Variants in WWC1 observed in about 807,000 individuals in gnomAD.
WWC1 encodes the protein protein KIBRA.
Under a neutral mutation model 138.4 loss-of-function variants are expected in WWC1, and 55 were observed. The observed-to-expected ratio is 0.40, with a 90% CI of 0.32 to 0.50. WWC1 has a LOEUF of 0.50. Ranked by LOEUF, WWC1 falls within the 20% of genes least tolerant of loss-of-function variation. The probability of loss-of-function intolerance (pLI) is 0.72; values close to 1 mark genes in which losing one functional copy is unlikely to be tolerated. For missense variants in WWC1, 1,226 were observed against 1,420.4 expected (o/e 0.86, Z 2.20); for synonymous variants, 524 against 564.9 (o/e 0.93, Z 1.03).
intron 1 of WWC1, among the ~76,000 whole-genome samples, chr5:168,361,012 C>T (rs1775840405): frequency 1.3e-5 from 2 of 152,202 alleles, no homozygotes; most frequent in Non-Finnish European, 2.9e-5. Flanking sequence ...CCCCAGAGTC[C>T]TAAATACAGA....
intron 1 of WWC1, among the ~76,000 whole-genome samples, chr5:168,318,491 G>T (rs763639641): frequency 2.0e-5 from 3 of 151,504 alleles, no homozygotes; most frequent in Non-Finnish European, 2.9e-5. Flanking sequence ...CTGTCTCTAT[G>T]AATTTGACTT....
intron 20 of WWC1, among the ~76,000 whole-genome samples, 169 bp downstream of exon 20, chr5:168,460,911 C>T (rs981721019): frequency 6.6e-6 from 1 of 152,174 alleles, no homozygotes; most frequent in Admixed American, 6.5e-5. Context: ...AACTATGAGG[C>T]CTGTGTAGCC....
At chr5:168,459,254 C>CAAAAAAAA (rs34453947) in intron 19 of WWC1, among the ~76,000 whole-genome samples, 3 of 94,806 alleles carry the variant, frequency 3.2e-5, no homozygotes, top group African/African-American at 8.5e-5. Context: ...AACCCTGTCT[C>CAAAAAAAA]AAAAAAAAAA....
In WWC1 at chr5:168,420,388, G is replaced by A. The variant is rs527916418; in HGVS notation, c.1185-1620G>A. Among the ~76,000 whole-genome samples the A allele has an allele frequency of 3.5e-3, 537 of 152,076 alleles. 3 individuals carry two copies. Among genetic ancestry groups the A allele is most frequent in the African/African-American group, 0.012 (510 of 41,448 alleles). On this transcript the variant is annotated intron_variant, in intron 9 of 22. Transcript: ENST00000265293. ...CTCTTAGAAGGACACCAGTCATACTGGATTAGAGTCTGCCCTACTGACCTC... is the reference window on the plus strand; with the variant it reads ...CTCTTAGAAGGACACCAGTCATACTAGATTAGAGTCTGCCCTACTGACCTC...
intron 2 of WWC1, among the ~76,000 whole-genome samples, chr5:168,372,515 T>C (rs1353527038): frequency 6.6e-6 from 1 of 152,216 alleles, no homozygotes. Context: ...AGCCTCTGTT[T>C]ACTGAGCACA....
Position 168,431,238 on chromosome 5 carries a change from C to T in WWC1, c.2088-14C>T. ...GGCTGACCCAAGATTTCCTGCGGTT[C>T]TGTCTCCCTCTAGGAATATCCGCGT... is the stretch of plus-strand genomic sequence containing the variant. On this transcript the variant is annotated splice_polypyrimidine_tract_variant and intron_variant, in intron 14 of 22. Transcript: ENST00000265293. The T allele has an allele frequency of 6.2e-7, 1 of 1,600,170 alleles. No homozygotes were observed. Among genetic ancestry groups the T allele is most frequent in the Non-Finnish European group, 8.5e-7 (1 of 1,172,518 alleles).
intron 17 of WWC1, among the ~76,000 whole-genome samples, chr5:168,449,570 C>CTTTTTTTTTTTTTTTTTTTTTTTTT (rs10636051): frequency 1.1e-5 from 1 of 90,736 alleles, no homozygotes; most frequent in African/African-American, 4.5e-5. Context: ...TTTAACAGCT[C>CTTTTTTTTTTTTTTTTTTTTTTTTT]TTTTTTTTTT....
At chr5:168,329,761 A>G (rs1337709902) in intron 1 of WWC1, among the ~76,000 whole-genome samples, 1 of 152,170 alleles carries the variant, frequency 6.6e-6, no homozygotes, top group Non-Finnish European at 1.5e-5. Flanking sequence ...CAATAATTCA[A>G]AGGGTAGAAA....
intron 8 of WWC1, among the ~76,000 whole-genome samples, chr5:168,413,301 A>G (rs1780360791): frequency 6.6e-6 from 1 of 152,220 alleles, no homozygotes; most frequent in African/African-American, 2.4e-5. Context: ...GCCAAGTCCT[A>G]AAGGATGATG....
intron 1 of WWC1, among the ~76,000 whole-genome samples, chr5:168,339,562 T>C (rs1424878948): frequency 6.6e-6 from 1 of 152,182 alleles, no homozygotes; most frequent in Non-Finnish European, 1.5e-5. Context: ...TTGGGTGAGT[T>C]ACTTACCCTC....
intron 21 of WWC1, among the ~76,000 whole-genome samples, chr5:168,466,504 T>C (rs1757306475): frequency 6.6e-6 from 1 of 152,234 alleles, no homozygotes; most frequent in African/African-American, 2.4e-5. Flanking sequence ...CAGTGCTGAA[T>C]ACAGGTGGTG....
In WWC1 at chr5:168,423,771, G is replaced by A; in HGVS notation, c.1513G>A (p.Glu505Lys). The change falls in exon 11 of 23, where the codon GAG (glutamate) becomes AAG (lysine). Residue 505 changes from glutamate to lysine, a missense_variant. Coordinates refer to ENST00000265293, the MANE Select transcript of WWC1 (RefSeq NM_015238.3). ...CTGCATCACCACCATCCACGAGGAT[G>A]AGGTGGCCAAGACCCAGAAGGCAGA... Reference protein sequence around the residue: ...SGCITTIHEDEVAKTQKAEGG... With the variant: ...SGCITTIHEDKVAKTQKAEGG... 2 of 1,613,966 alleles carry A rather than the reference G, an allele frequency of 1.2e-6. No homozygotes were observed. The highest frequency in any genetic ancestry group is 2.2e-5 in the East Asian group (1 of 44,876).
At chr5:168,304,645 G>C (rs1352294930) in intron 1 of WWC1, among the ~76,000 whole-genome samples, 1 of 152,058 alleles carries the variant, frequency 6.6e-6, no homozygotes, top group East Asian at 1.9e-4. Flanking sequence ...AGCAATCTGG[G>C]TTTTCATGAG....
intron 1 of WWC1, among the ~76,000 whole-genome samples, chr5:168,358,744 A>G (rs1775647245): frequency 6.6e-6 from 1 of 152,112 alleles, no homozygotes; most frequent in African/African-American, 2.4e-5. Flanking sequence ...AAGTCTACTA[A>G]ATGGTATGTG....
At position 168,308,076 on chromosome 5, in the gene WWC1, A is replaced by T. The variant is rs551148636; in HGVS notation, c.119+15805A>T. Among the ~76,000 whole-genome samples the T allele has an allele frequency of 2.0e-5, 3 of 152,248 alleles. No homozygotes were observed. In the South Asian group the frequency reaches 6.2e-4, roughly 32 times the overall value. On this transcript the variant is annotated intron_variant, in intron 1 of 22. Transcript: ENST00000265293. The stretch of plus-strand genomic sequence containing the variant: ...GCTTGCCCAATAGAACATCCTTCAG[A>T]AAGAATGTGTGTTTAGGGTTCACTC...
intron 4 of WWC1, among the ~76,000 whole-genome samples, chr5:168,398,095 A>G (rs947424711): frequency 2.6e-5 from 4 of 151,538 alleles, no homozygotes; most frequent in African/African-American, 7.3e-5. Context: ...TTATTTATTT[A>G]TTTATTTATT....
intron 15 of WWC1, among the ~76,000 whole-genome samples, chr5:168,440,268 A>G (rs528662814): frequency 4.6e-5 from 7 of 152,352 alleles, no homozygotes; most frequent in Non-Finnish European, 4.4e-5. Flanking sequence ...CACCTCACAC[A>G]TATTTGGATG....
chr5:168,404,329 TC>T (rs1203768362), intron 5 of WWC1, among the ~76,000 whole-genome samples: 1 of 152,160 alleles, frequency 6.6e-6, no homozygotes, highest in Non-Finnish European at 1.5e-5. Context: ...TCTTCTAAGC[TC>T]CCTTAGACTA....
At chr5:168,448,952 A>G (rs1157122273) in intron 17 of WWC1, among the ~76,000 whole-genome samples, 1 of 152,186 alleles carries the variant, frequency 6.6e-6, no homozygotes, top group Non-Finnish European at 1.5e-5. Flanking sequence ...CCCACCAGCA[A>G]TGATTAAGAG....
Sources: gnomAD v4.1 joint callset for allele counts (sites outside exome capture counted in the v4.1 genomes callset) on GRCh38, gnomAD v4.1.1 for gene constraint, MANE v1.5 for transcripts, NCBI Gene and HGNC (gene_info 2026-07-23, HGNC 2026-07-21) for gene names.